ROBO1: variants seen among roughly 807,000 people sequenced by gnomAD.
ROBO1 encodes the protein roundabout homolog 1.
In ROBO1, 149 loss-of-function variants were observed where a neutral mutation model predicts 195.9. The observed-to-expected ratio is 0.76, with a 90% CI of 0.67 to 0.87. ROBO1 has a LOEUF of 0.87. ROBO1 is among the 40% of genes least tolerant of loss of function. ROBO1 has a pLI of 0.00. For synonymous variants in ROBO1, 816 were observed against 733.2 expected (o/e 1.11, Z -1.82); for missense variants, 1,933 against 2,068.3 (o/e 0.93, Z 1.27).
At chr3:79,319,087 C>T (rs73124503) in intron 2 of ROBO1, among the ~76,000 whole-genome samples, 40,948 of 151,908 alleles carry the variant, frequency 0.27, 6,492 homozygotes, top group African/African-American at 0.45. Context: ...ATGTACATTG[C>T]ACTCATTAAT....
At chr3:79,697,938 TA>T (rs1406784859) in intron 1 of ROBO1, among the ~76,000 whole-genome samples, 1 of 151,464 alleles carries the variant, frequency 6.6e-6, no homozygotes. Flanking sequence ...ATCACTATCT[TA>T]AAAAATCTAA....
At chr3:79,035,378 T>A (rs1294046284) in intron 3 of ROBO1, among the ~76,000 whole-genome samples, 3 of 152,128 alleles carry the variant, frequency 2.0e-5, no homozygotes, top group African/African-American at 7.2e-5. Flanking sequence ...TCTATGGAAA[T>A]GTTAAAATAG....
intron 2 of ROBO1, among the ~76,000 whole-genome samples, chr3:79,155,456 T>C (rs1260728389): frequency 6.6e-6 from 1 of 151,826 alleles, no homozygotes; most frequent in Non-Finnish European, 1.5e-5. Flanking sequence ...AAGACCTTTT[T>C]TCTTTGCCTA....
In ROBO1 at chr3:78,670,157, G is replaced by A; in HGVS notation, c.1487C>T (p.Ser496Leu). 1 of 1,613,352 alleles carries A rather than the reference G, an allele frequency of 6.2e-7. No homozygotes were observed. The highest frequency in any genetic ancestry group is 8.5e-7 in the Non-Finnish European group (1 of 1,179,642). The change falls in exon 11 of 31, where the codon TCA becomes TTA. Residue 496 changes from serine to leucine, a missense_variant. Around this residue, in one of 3 missense-constraint regions of ROBO1, gnomAD observed 1,737 missense variants for 1,882.5 expected, o/e 0.92. Transcript: ENST00000464233. ...CTGTTTGATTCGAGAGTCTTGGGTT[G>A]AAACGAGGACTCCATCCTTTCTCCA... ...ILWRKDGVLVSTQDSRIKQLE... is the reference protein window; with the variant it reads ...ILWRKDGVLVLTQDSRIKQLE...
chr3:79,336,785 A>G (rs2034689072), intron 2 of ROBO1, among the ~76,000 whole-genome samples: 1 of 152,188 alleles, frequency 6.6e-6, no homozygotes, highest in South Asian at 2.1e-4. Flanking sequence ...CAGACACTCA[A>G]TGCCAGCCTG....
At chr3:79,558,173 C>G (rs1164593945) in intron 2 of ROBO1, among the ~76,000 whole-genome samples, 1 of 151,940 alleles carries the variant, frequency 6.6e-6, no homozygotes, top group Non-Finnish European at 1.5e-5. Context: ...AAATTTACAC[C>G]AAGTGTGCCT....
At chr3:78,901,470 G>A (rs2037583185) in intron 4 of ROBO1, among the ~76,000 whole-genome samples, 1 of 152,144 alleles carries the variant, frequency 6.6e-6, no homozygotes, top group African/African-American at 2.4e-5. Flanking sequence ...TATAAAAGAG[G>A]AGCAATGTAC....
intron 2 of ROBO1, among the ~76,000 whole-genome samples, chr3:79,454,614 G>A (rs912575404): frequency 1.3e-5 from 2 of 152,054 alleles, no homozygotes; most frequent in African/African-American, 4.8e-5. Flanking sequence ...ATAGTGATGA[G>A]AAACTAAAAT....
At chr3:79,761,230 C>A (rs1378494790) in intron 1 of ROBO1, among the ~76,000 whole-genome samples, 1 of 149,332 alleles carries the variant, frequency 6.7e-6, no homozygotes, top group Non-Finnish European at 1.5e-5. Context: ...AGTAACTGTA[C>A]CCGAAGCAAC....
intron 3 of ROBO1, among the ~76,000 whole-genome samples, chr3:79,035,202 T>C (rs1167519053): frequency 6.6e-6 from 1 of 152,136 alleles, no homozygotes; most frequent in Non-Finnish European, 1.5e-5. Flanking sequence ...TAATTAAAGC[T>C]CTTTTCAACT....
intron 3 of ROBO1, among the ~76,000 whole-genome samples, chr3:79,113,685 T>C (rs1204142810): frequency 2.0e-5 from 3 of 152,028 alleles, no homozygotes; most frequent in Non-Finnish European, 2.9e-5. Flanking sequence ...GATAATCGCT[T>C]GAACCTGGGA....
intron 3 of ROBO1, among the ~76,000 whole-genome samples, chr3:79,121,581 G>T (rs2080117033): frequency 6.6e-6 from 1 of 151,844 alleles, no homozygotes; most frequent in Non-Finnish European, 1.5e-5. Context: ...TTCATGGCTA[G>T]ATTTTACTTA....
At chr3:79,001,100 A>G (rs2077492641) in intron 3 of ROBO1, among the ~76,000 whole-genome samples, 1 of 151,984 alleles carries the variant, frequency 6.6e-6, no homozygotes, top group Admixed American at 6.6e-5. Flanking sequence ...GAAGGGGAAC[A>G]TCACACACCG....
At chr3:79,082,955 G>C (rs1404505048) in intron 3 of ROBO1, among the ~76,000 whole-genome samples, 1 of 152,192 alleles carries the variant, frequency 6.6e-6, no homozygotes, top group African/African-American at 2.4e-5. Flanking sequence ...TCATGCAGTT[G>C]ATTTCTAATG....
At chr3:79,210,523 C>T (rs1220103846) in intron 2 of ROBO1, among the ~76,000 whole-genome samples, 1 of 152,086 alleles carries the variant, frequency 6.6e-6, no homozygotes, top group Non-Finnish European at 1.5e-5. Flanking sequence ...TTCTGGGTAA[C>T]ATAGTTGAAG....
chr3:78,680,550 GAC>G (rs2080872678), intron 10 of ROBO1, among the ~76,000 whole-genome samples: 1 of 151,924 alleles, frequency 6.6e-6, no homozygotes, highest in African/African-American at 2.4e-5. Context: ...CTCAAAAGAA[GAC>G]ATTTATGCAG....
Position 78,606,786 on chromosome 3 carries a change from C to T in ROBO1, c.4691G>A (p.Gly1564Glu), listed in dbSNP as rs2107289104. The T allele has an allele frequency of 6.2e-7, 1 of 1,613,906 alleles. No homozygotes were observed. Among genetic ancestry groups the T allele is most frequent in the Non-Finnish European group, 8.5e-7 (1 of 1,179,870 alleles). Residue 1564 changes from glycine (G) to glutamate (E), a missense_variant, in exon 29 of 31, where the codon GGA (glycine) becomes GAA (glutamate). Transcript: ENST00000464233. Reference protein sequence around the residue: ...QEQQNDGKGRGNKAAKRDLPP... With the variant: ...QEQQNDGKGRENKAAKRDLPP... ...AAGGTCTCGTTTTGCTGCCTTGTTT[C>T]CACGTCCTTTCCCGTCATTTTGCTG...
chr3:79,482,337 A>G (rs73131030), intron 2 of ROBO1, among the ~76,000 whole-genome samples: 17,145 of 152,066 alleles, frequency 0.11, 1,100 homozygotes, highest in African/African-American at 0.18. Flanking sequence ...CATAATTCCT[A>G]TGTCTTGTGG....
intron 2 of ROBO1, among the ~76,000 whole-genome samples, chr3:79,551,647 GA>G (rs575691025): frequency 5.3e-4 from 81 of 151,960 alleles, no homozygotes; most frequent in Non-Finnish European, 1.0e-3. Flanking sequence ...AGCTGTTCAA[GA>G]TTTATGCTCC....
Sources: allele counts gnomAD v4.1 joint callset (sites outside exome capture counted in the v4.1 genomes callset), GRCh38; gene constraint gnomAD v4.1.1; regional missense constraint gnomAD v4.1.1; transcripts MANE v1.5; gene names NCBI Gene and HGNC (gene_info 2026-07-23, HGNC 2026-07-21).